The following MAPKAP1 variants were observed in gnomAD, a reference collection of about 807,000 sequenced individuals.
MAPKAP1 encodes target of rapamycin complex 2 subunit MAPKAP1.
In MAPKAP1, 20 loss-of-function variants were observed where a neutral mutation model predicts 65.7. That is an observed-to-expected ratio of 0.30 (90% CI 0.21 to 0.44). The LOEUF is 0.44. Among genes scored for constraint, MAPKAP1 ranks in the 20% least tolerant of loss-of-function variants. The pLI, the probability that MAPKAP1 is intolerant of heterozygous loss-of-function variation, is 1.00. For synonymous variants in MAPKAP1, 222 were observed against 244.3 expected, an observed-to-expected ratio of 0.91 and a Z score of 0.85; for missense variants, 423 against 648.0, an observed-to-expected ratio of 0.65 and a Z score of 3.77.
chr9:125,656,455 A>T (rs1336721447), intron 4 of MAPKAP1, among the ~76,000 whole-genome samples: 2 of 152,208 alleles, frequency 1.3e-5, no homozygotes, highest in South Asian at 2.1e-4. Context: ...TATATTACTT[A>T]TGCATTTTGT....
chr9:125,542,699 T>C (rs116693706), intron 7 of MAPKAP1, among the ~76,000 whole-genome samples: 3 of 152,218 alleles, frequency 2.0e-5, no homozygotes, highest in Admixed American at 6.5e-5. Context: ...TGGGAAATTA[T>C]GTGAAAACAT....
At chr9:125,521,241 G>A (rs566332083) in intron 7 of MAPKAP1, among the ~76,000 whole-genome samples, 11 of 152,302 alleles carry the variant, frequency 7.2e-5, no homozygotes, top group African/African-American at 2.6e-4. Flanking sequence ...CAGCCAGCAG[G>A]AATGTACTTC....
chr9:125,504,499 G>A (rs1654820334), intron 8 of MAPKAP1, among the ~76,000 whole-genome samples: 1 of 152,228 alleles, frequency 6.6e-6, no homozygotes, highest in East Asian at 1.9e-4. Context: ...ATCCTAGGCC[G>A]GTGTGGTGGT....
intron 4 of MAPKAP1, chr9:125,652,303 C>T: frequency 8.7e-7 from 1 of 1,147,696 alleles, no homozygotes; most frequent in Non-Finnish European, 1.1e-6. Flanking sequence ...GACTATCATC[C>T]CAAAATGCTG....
chr9:125,541,894 A>G (rs763714130), intron 7 of MAPKAP1, among the ~76,000 whole-genome samples: 4 of 152,154 alleles, frequency 2.6e-5, no homozygotes, highest in Non-Finnish European at 5.9e-5. Flanking sequence ...GCATCCAGAG[A>G]GCTGGTTATC....
Position 125,513,387 on chromosome 9 carries a change from A to G in MAPKAP1, c.959-6970T>C, listed in dbSNP as rs779188106. ...CTTTCATGGTTATGTCTTCATGTCA[A>G]CTGTTTTCCATTCACCAATTTAAAG... On this transcript the variant is annotated intron_variant, in intron 7 of 11. Transcript: ENST00000265960. 2.6e-5 allele frequency among the ~76,000 whole-genome samples: 4 copies of G among 152,218 alleles called. No homozygotes were observed. In the South Asian group the frequency reaches 6.2e-4, roughly 24 times the overall value.
At chr9:125,584,429 G>A (rs1831717950) in intron 5 of MAPKAP1, among the ~76,000 whole-genome samples, 1 of 152,132 alleles carries the variant, frequency 6.6e-6, no homozygotes, top group Admixed American at 6.5e-5. Context: ...GAAAGGGGAA[G>A]AGAACATCTC....
intron 10 of MAPKAP1, among the ~76,000 whole-genome samples, chr9:125,464,332 T>G (rs1017715964): frequency 5.8e-4 from 88 of 152,226 alleles, no homozygotes; most frequent in African/African-American, 2.0e-3. Flanking sequence ...CTTGTATGTG[T>G]TGAATACATC....
At chr9:125,484,414 G>T in intron 9 of MAPKAP1, 29 bp downstream of exon 9, 2 of 1,584,788 alleles carry the variant, frequency 1.3e-6, no homozygotes, top group African/African-American at 1.3e-5. Context: ...GACACGACAA[G>T]CTAGCTCATC....
chr9:125,512,743 G>A (rs997806845), intron 7 of MAPKAP1, among the ~76,000 whole-genome samples: 27 of 151,812 alleles, frequency 1.8e-4, no homozygotes, highest in East Asian at 5.8e-4. Flanking sequence ...CACCATGCCC[G>A]GCTAATTTTT....
intron 4 of MAPKAP1, among the ~76,000 whole-genome samples, chr9:125,586,634 G>A (rs1831795153): frequency 6.6e-6 from 1 of 151,896 alleles, no homozygotes; most frequent in Non-Finnish European, 1.5e-5. Flanking sequence ...TTGAGACCCA[G>A]GCCATCCGAT....
At chr9:125,679,498 AT>A (rs1275284982) in intron 1 of MAPKAP1, among the ~76,000 whole-genome samples, 1 of 152,214 alleles carries the variant, frequency 6.6e-6, no homozygotes, top group Non-Finnish European at 1.5e-5. Context: ...GTTCAAAAAA[AT>A]AAAAGTCACA....
At chr9:125,455,360 T>G (rs1302265735) in intron 10 of MAPKAP1, among the ~76,000 whole-genome samples, 1 of 152,250 alleles carries the variant, frequency 6.6e-6, no homozygotes, top group Admixed American at 6.5e-5. Flanking sequence ...CACTATCTGA[T>G]GGGGGATGTT....
At chr9:125,577,281 A>G (rs1251051478) in intron 5 of MAPKAP1, among the ~76,000 whole-genome samples, 2 of 145,990 alleles carry the variant, frequency 1.4e-5, no homozygotes, top group Non-Finnish European at 3.0e-5. Context: ...CCCTCCACCC[A>G]GCAGCCGTCC....
At chr9:125,576,531 G>C (rs1220839197) in intron 5 of MAPKAP1, among the ~76,000 whole-genome samples, 1 of 151,478 alleles carries the variant, frequency 6.6e-6, no homozygotes, top group Admixed American at 6.6e-5. Context: ...CTCTCCCCAC[G>C]GTCTCCCTCT....
At chr9:125,574,424 G>A (rs2131547300) in intron 5 of MAPKAP1, among the ~76,000 whole-genome samples, 1 of 152,318 alleles carries the variant, frequency 6.6e-6, no homozygotes, top group South Asian at 2.1e-4. Flanking sequence ...AGAATAGGAA[G>A]GGCCACTTCA....
At chr9:125,687,602 C>G (rs150434244) in intron 1 of MAPKAP1, among the ~76,000 whole-genome samples, 1 of 146,714 alleles carries the variant, frequency 6.8e-6, no homozygotes, top group Non-Finnish European at 1.5e-5. Flanking sequence ...CAGAGCAAGA[C>G]CCCACCTATA....
At chr9:125,479,187 T>C (rs913017676) in intron 9 of MAPKAP1, among the ~76,000 whole-genome samples, 8 of 152,240 alleles carry the variant, frequency 5.3e-5, no homozygotes, top group Non-Finnish European at 1.2e-4. Context: ...AAGCACTTGA[T>C]AATAACTGCT....
intron 1 of MAPKAP1, among the ~76,000 whole-genome samples, chr9:125,705,690 T>A (rs1835736046): frequency 6.6e-6 from 1 of 152,116 alleles, no homozygotes; most frequent in South Asian, 2.1e-4. Context: ...CTTATAGAAT[T>A]CTAGAGGAAA....
Sources: gnomAD v4.1 joint callset for allele counts (sites outside exome capture counted in the v4.1 genomes callset) on GRCh38, gnomAD v4.1.1 for gene constraint, MANE v1.5 for transcripts, NCBI Gene and HGNC (gene_info 2026-07-23, HGNC 2026-07-21) for gene names.